Variants in CHD6 observed in about 807,000 individuals in gnomAD.
CHD6 encodes the protein chromodomain helicase DNA binding protein 6.
A neutral mutation model predicts 276.9 loss-of-function variants in CHD6; 50 were observed. That is an observed-to-expected ratio of 0.18 (90% confidence interval 0.14 to 0.23). CHD6 has a LOEUF of 0.23. Ranked by LOEUF, CHD6 falls within the 10% of genes least tolerant of loss-of-function variation. The pLI, the probability that CHD6 is intolerant of heterozygous loss-of-function variation, is 1.00. For synonymous variants in CHD6, 1,173 were observed against 1,229.3 expected, an observed-to-expected ratio of 0.95 and a Z score of 0.96; for missense variants, 2,564 against 3,365.8, an observed-to-expected ratio of 0.76 and a Z score of 5.89.
chr20:41,498,795 ATGTATGTATGTATGTATGTGTGTGTGTG>A (rs1400341048), intron 6 of CHD6, among the ~76,000 whole-genome samples: 6 of 79,524 alleles, frequency 7.5e-5, no homozygotes, highest in South Asian at 8.7e-4. Flanking sequence ...GTATGTATGT[ATGTATGTATGTATGTATGTGTGTGTGTG>A]TGTGTGTGTG....
intron 3 of CHD6, among the ~76,000 whole-genome samples, chr20:41,529,570 A>C (rs1234619454): frequency 6.6e-6 from 1 of 152,180 alleles, no homozygotes; most frequent in Non-Finnish European, 1.5e-5. Context: ...ATCTGAACTG[A>C]GACTTGCACT....
In CHD6 at chr20:41,415,611, T is replaced by C; in HGVS notation, c.6514A>G (p.Lys2172Glu). Reference sequence around the variant, plus strand: ...GGACGCCTGTGCTTTTGTTCATCCTTTGTGAATACTGGAGCTAAGAAGCTC... The same window carrying C: ...GGACGCCTGTGCTTTTGTTCATCCTCTGTGAATACTGGAGCTAAGAAGCTC... ...KESFLAPVFT[K>E]DEQKHRRPYE... The change falls in exon 34 of 37, where the codon AAG becomes GAG. Residue 2172 changes from lysine to glutamate, a missense_variant. Coordinates refer to ENST00000373233, the MANE Select transcript of CHD6 (RefSeq NM_032221.5). The C allele has an allele frequency of 6.2e-7, 1 of 1,603,574 alleles. No homozygotes were observed. Among genetic ancestry groups the C allele is most frequent in the Non-Finnish European group, 8.5e-7 (1 of 1,175,842 alleles).
In CHD6 at chr20:41,452,041, C is replaced by G. The variant is rs759838255; in HGVS notation, c.3324-16G>C. 2 of 1,608,862 alleles carry G rather than the reference C, an allele frequency of 1.2e-6. No homozygotes were observed. The highest frequency in any genetic ancestry group is 2.2e-5 in the East Asian group (1 of 44,712). On this transcript the variant is annotated splice_polypyrimidine_tract_variant and intron_variant, in intron 21 of 36. Coordinates refer to ENST00000373233, the MANE Select transcript of CHD6 (RefSeq NM_032221.5). This position sits in a 1 kb window ranked among gnomAD's most constrained non-coding sequence, Gnocchi z 4.2. ...CCGGCCCCAGCTGACAGTGGACATA[C>G]AGACAGGTGTTGGAGGGAGAATGGA...
At chr20:41,553,372 C>G (rs2045174341) in intron 1 of CHD6, among the ~76,000 whole-genome samples, 1 of 152,238 alleles carries the variant, frequency 6.6e-6, no homozygotes. Context: ...GCTAATAACT[C>G]TTTGTCAGGC....
chr20:41,554,589 A>G (rs2045193910), intron 1 of CHD6, among the ~76,000 whole-genome samples: 1 of 150,600 alleles, frequency 6.6e-6, no homozygotes, highest in South Asian at 2.1e-4. Flanking sequence ...AGTGGTGATG[A>G]CTCTTAACGA....
At chr20:41,585,827 C>G (rs181585596) in intron 1 of CHD6, among the ~76,000 whole-genome samples, 12 of 152,210 alleles carry the variant, frequency 7.9e-5, no homozygotes, top group Admixed American at 4.6e-4. Context: ...TAACAAAGTA[C>G]CAGCAAATTG....
At chr20:41,407,127 G>A (rs2145366695) in intron 36 of CHD6, among the ~76,000 whole-genome samples, 1 of 152,342 alleles carries the variant, frequency 6.6e-6, no homozygotes, top group Admixed American at 6.5e-5. Flanking sequence ...GAGCTCAACA[G>A]TGAGGGGTGA....
rs971252907 is a variant in CHD6 at position 41,558,014 on chromosome 20, G to A, written c.-23-6654C>T. On this transcript the variant is annotated intron_variant, in intron 1 of 36. Coordinates refer to ENST00000373233, the MANE Select transcript of CHD6 (RefSeq NM_032221.5). Reference sequence around the variant, plus strand: ...ACACAGAGAGTAACTCATCTGGGAAGAGTGAGATAATCAAGAAAGCAGAGA... The same window carrying A: ...ACACAGAGAGTAACTCATCTGGGAAAAGTGAGATAATCAAGAAAGCAGAGA... Among the ~76,000 whole-genome samples the A allele has an allele frequency of 2.2e-4, 34 of 152,168 alleles. 1 individual carries two copies. Among genetic ancestry groups the A allele is most frequent in the Admixed American group, 6.5e-5 (1 of 15,270 alleles).
intron 5 of CHD6, among the ~76,000 whole-genome samples, chr20:41,507,473 G>A (rs1232474673): frequency 6.6e-6 from 1 of 151,918 alleles, no homozygotes; most frequent in Non-Finnish European, 1.5e-5. Context: ...TATGGAAAAC[G>A]GGTTTTTATT....
chr20:41,574,407 C>T (rs1336034848), intron 1 of CHD6, among the ~76,000 whole-genome samples: 3 of 152,156 alleles, frequency 2.0e-5, no homozygotes, highest in Non-Finnish European at 4.4e-5. Flanking sequence ...CCTAGCTCCT[C>T]TACTTGGGTA....
intron 20 of CHD6, among the ~76,000 whole-genome samples, chr20:41,453,224 C>CG (rs1463139639): frequency 1.4e-5 from 2 of 145,212 alleles, no homozygotes; most frequent in Non-Finnish European, 3.0e-5. Flanking sequence ...GCAGGCAAGG[C>CG]CCCCCCCCAG....
rs1164110113 is a variant in CHD6 at position 41,493,529 on chromosome 20, C to T, written c.1314+9G>A. On this transcript the variant is annotated intron_variant, in intron 10 of 36. Coordinates refer to ENST00000373233, the MANE Select transcript of CHD6 (RefSeq NM_032221.5). ...CGAGAAGTGCCAGAGAGAGACAAAA[C>T]TACTTTACCACATGCTTAATTTCAG... 3.1e-6 allele frequency: 5 copies of T among 1,612,832 alleles called. No homozygotes were observed. Among genetic ancestry groups the T allele is most frequent in the Non-Finnish European group, 4.2e-6 (5 of 1,179,394 alleles).
intron 26 of CHD6, among the ~76,000 whole-genome samples, chr20:41,438,451 G>C (rs904617391): frequency 3.3e-5 from 5 of 151,960 alleles, no homozygotes; most frequent in Non-Finnish European, 7.4e-5. Context: ...TTAGCCAGGC[G>C]TGGTGGTGGG....
Position 41,452,812 on chromosome 20 carries a change from C to T in CHD6, c.3251G>A (p.Arg1084His), listed in dbSNP as rs764165462. 12 of 1,613,208 alleles carry T rather than the reference C, an allele frequency of 7.4e-6. No homozygotes were observed. The highest frequency in any genetic ancestry group is 1.0e-5 in the Non-Finnish European group (12 of 1,179,900). Residue 1084 changes from arginine to histidine, a missense_variant, in exon 21 of 37, where the codon CGC (arginine) becomes CAC (histidine). Arg to His is a conservative substitution (Grantham distance 29). This residue lies in a region of CHD6 where 515 missense variants were observed against 739.5 expected (regional missense o/e 0.70). Transcript: ENST00000373233. This position sits in a 1 kb window ranked among gnomAD's most constrained non-coding sequence, Gnocchi z 4.2. ...DSDERPTRSRRLNDKARRYLR... is the reference protein window; with the variant it reads ...DSDERPTRSRHLNDKARRYLR... ...GTAGCGCCTGGCTTTGTCATTGAGG[C>T]GCCTGGATCTCGTGGGCCTTTCGTC...
chr20:41,444,820 T>C (rs2048014700), intron 25 of CHD6, among the ~76,000 whole-genome samples: 1 of 152,196 alleles, frequency 6.6e-6, no homozygotes. Context: ...TCCTCCATTG[T>C]ATAAGTGAGA....
In CHD6 at chr20:41,416,667, G is replaced by A; in HGVS notation, c.6407C>T (p.Ser2136Phe). 1.9e-6 allele frequency: 3 copies of A among 1,614,048 alleles called. No homozygotes were observed. Among genetic ancestry groups the A allele is most frequent in the Non-Finnish European group, 8.5e-7 (1 of 1,179,972 alleles). The change falls in exon 33 of 37, where the codon TCT becomes TTT. Residue 2136 changes from serine (S) to phenylalanine (F), a missense_variant. Physicochemically the swap from Ser to Phe is radical, Grantham distance 155 (BLOSUM62 -2). Transcript: ENST00000373233. ...TTCCGGCTCTGAGAGGCTGGTTCGA[G>A]AACCAGCACTGCTGGTTAATACCGG... is the stretch of plus-strand genomic sequence containing the variant. ...PTPVLTSSAGSRTSLSEPEAA... is the reference protein window; with the variant it reads ...PTPVLTSSAGFRTSLSEPEAA...
At chr20:41,535,645 G>A (rs2044813713) in intron 2 of CHD6, among the ~76,000 whole-genome samples, 1 of 152,144 alleles carries the variant, frequency 6.6e-6, no homozygotes, top group Admixed American at 6.5e-5. Flanking sequence ...AACCACTTGA[G>A]GTCAGGAGTT....
intron 1 of CHD6, among the ~76,000 whole-genome samples, chr20:41,584,778 T>G (rs2045576201): frequency 6.6e-6 from 1 of 151,950 alleles, no homozygotes; most frequent in African/African-American, 2.4e-5. Context: ...CAAAACAACA[T>G]GAAAATTTAC....
At chr20:41,539,791 T>C (rs1449585848) in intron 2 of CHD6, among the ~76,000 whole-genome samples, 1 of 152,206 alleles carries the variant, frequency 6.6e-6, no homozygotes, top group South Asian at 2.1e-4. Context: ...AAAAAAGCTA[T>C]AATAACCTGT....
Sources: allele counts gnomAD v4.1 joint callset (sites outside exome capture counted in the v4.1 genomes callset), GRCh38; gene constraint gnomAD v4.1.1; regional missense constraint gnomAD v4.1.1; non-coding constraint Gnocchi (gnomAD v3.1); transcripts MANE v1.5; gene names NCBI Gene and HGNC (gene_info 2026-07-23, HGNC 2026-07-21).